The following PRSS22 variants were observed in gnomAD, a reference collection of about 807,000 sequenced individuals.
PRSS22 encodes the protein brain-specific serine protease 4.
A neutral mutation model predicts 28.0 loss-of-function variants in PRSS22; 26 were observed. The observed-to-expected ratio is 0.93, with a 90% CI of 0.68 to 1.29. The LOEUF (loss-of-function observed/expected upper bound fraction) is 1.29, where lower values mean the gene tolerates loss of function less well. PRSS22 is among the 50% of genes most tolerant of loss of function. PRSS22 has a pLI of 0.00. For missense variants in PRSS22, 444 were observed against 422.1 expected (o/e 1.05, Z -0.46); for synonymous variants, 217 against 177.9 (o/e 1.22, Z -1.75).
Position 2,853,025 on chromosome 16 carries a change from G to T in PRSS22, c.*68C>A. ...ACGGCGGGGGAAACCGCCCGAGGCC[G>T]CCGCAGATCCAGATCCAGATGTGGA... On this transcript the variant is annotated 3_prime_UTR_variant, in exon 6 of 6. Coordinates refer to ENST00000161006, the MANE Select transcript of PRSS22 (RefSeq NM_022119.4). This position sits in a 1 kb window ranked among gnomAD's most constrained non-coding sequence, Gnocchi z 4.6. 1 of 1,098,150 alleles carries T rather than the reference G, an allele frequency of 9.1e-7. No homozygotes were observed. Among genetic ancestry groups the T allele is most frequent in the Non-Finnish European group, 1.3e-6 (1 of 795,302 alleles). The allele number at this position is 1,098,150 out of a possible 1,614,324, so 68.0% of individuals were successfully genotyped here. A position where few individuals can be genotyped will look rare whatever the true frequency, so the allele number is the denominator to read the frequency against.
chr16:2,857,211 G>A (rs2069467634), intron 1 of PRSS22: 5 of 290,400 alleles, frequency 1.7e-5, no homozygotes, highest in Non-Finnish European at 3.5e-5. Context: ...AGTGAGGAGG[G>A]CTCCCCAGCG....
At chr16:2,855,551 C>G (rs199667983) in intron 4 of PRSS22, 23 bp downstream of exon 4, 43 of 1,613,128 alleles carry the variant, frequency 2.7e-5, no homozygotes, top group Non-Finnish European at 3.4e-5. Context: ...CCCCCAACCA[C>G]CTTGGAGAGG....
chr16:2,855,098 G>A lies in PRSS22; in HGVS notation c.559+476C>T, dbSNP rs569905064. Among the ~76,000 whole-genome samples the A allele has an allele frequency of 5.9e-5, 9 of 152,068 alleles. No individual in the cohort carries two copies. The South Asian group carries it at 1.2e-3, about 21-fold the overall frequency. ...CACAGTGGCTCACACCTGTAATCCC[G>A]GCACTTTGGGAGGCTGAGGCTGGTG... On this transcript the variant is annotated intron_variant, in intron 4 of 5. Transcript: ENST00000161006.
At chr16:2,856,370 C>A in intron 2 of PRSS22, 117 bp from the exon 3 acceptor site, 1 of 1,030,968 alleles carries the variant, frequency 9.7e-7, no homozygotes, top group Non-Finnish European at 1.4e-6. Flanking sequence ...TTCATGTCCC[C>A]AAGCTCTACC....
chr16:2,855,594 C>G lies in PRSS22; in HGVS notation c.539G>C (p.Trp180Ser). ...PPNTHCWISG[W>S]GSIQDGVPLP... is the part of the protein sequence containing the mutation. ...CGCACCTCCATCTTGGATGCTCCCC[C>G]AGCCTGAGATCCAGCAGTGGGTGTT... Residue 180 changes from tryptophan to serine, a missense_variant, in exon 4 of 6, where the codon TGG becomes TCG. Trp to Ser is a radical substitution (Grantham distance 177). Coordinates refer to ENST00000161006, the MANE Select transcript of PRSS22 (RefSeq NM_022119.4). The G allele has an allele frequency of 1.2e-6, 2 of 1,614,108 alleles. No individual in the cohort carries two copies. The highest frequency in any genetic ancestry group is 1.7e-6 in the Non-Finnish European group (2 of 1,180,028).
chr16:2,856,473 C>T (rs547934453), intron 2 of PRSS22, among the ~76,000 whole-genome samples: 1 of 152,152 alleles, frequency 6.6e-6, no homozygotes, highest in East Asian at 1.9e-4. Context: ...GCTCCGCCCA[C>T]CTCCCCGTCC....
In PRSS22 at chr16:2,853,646, C is replaced by T. The variant is rs115952166; in HGVS notation, c.717+219G>A. On this transcript the variant is annotated intron_variant, in intron 5 of 5. Transcript: ENST00000161006. This position sits in a 1 kb window ranked among gnomAD's most constrained non-coding sequence, Gnocchi z 4.6. ...GAAGGAAATGAAAGCTCGCGGAGGG[C>T]GAGGTGGTGCAGCTGGGATGCCCAG... 4.0e-3 allele frequency among the ~76,000 whole-genome samples: 616 copies of T among 152,310 alleles called. 6 individuals are homozygous for T. Among genetic ancestry groups the T allele is most frequent in the African/African-American group, 0.015 (604 of 41,568 alleles).
rs761810406 is a variant in PRSS22, at chr16:2,854,051, TG to T, written c.560-30del. The T allele has an allele frequency of 1.6e-5, 26 of 1,613,542 alleles. No individual in the cohort carries two copies. In the African/African-American group the frequency reaches 2.5e-4, roughly 16 times the overall value. On this transcript the variant is annotated intron_variant, in intron 4 of 5. Coordinates refer to ENST00000161006, the MANE Select transcript of PRSS22 (RefSeq NM_022119.4). ...GGAGGAAAGAGGACAGAATCAGGTTTGGGGGTCTCCCCTCCTCGTTGCCTCC... is the reference window on the plus strand; with the variant it reads ...GGAGGAAAGAGGACAGAATCAGGTTTGGGGTCTCCCCTCCTCGTTGCCTCC...
At chr16:2,854,622 T>C (rs1413517181) in intron 4 of PRSS22, 1 of 152,668 alleles carries the variant, frequency 6.6e-6, no homozygotes, top group African/African-American at 2.4e-5. Flanking sequence ...TCTCTAGCTC[T>C]CTCTTTCAAA....
intron 4 of PRSS22, 71 bp from the exon 5 acceptor site, chr16:2,854,093 C>T: frequency 6.5e-7 from 1 of 1,536,316 alleles, no homozygotes; most frequent in Non-Finnish European, 9.0e-7. Context: ...GGACTATTCC[C>T]CCCCAACACC....
rs1051153762 is a variant in PRSS22, at chr16:2,855,286, T to A, written c.559+288A>T. Among the ~76,000 whole-genome samples, 21 of 138,084 alleles carry A rather than the reference T, an allele frequency of 1.5e-4. No homozygotes were observed. In the Admixed American group the frequency reaches 1.6e-3, roughly 11 times the overall value. The allele number at this position is 138,084 out of a possible 152,430, so 90.6% of individuals were successfully genotyped here. A position where few individuals can be genotyped will look rare whatever the true frequency, so the allele number is the denominator to read the frequency against. ...TCACTTGAGCCTGGGAGGCAAAGGC[T>A]GCAGTGAGTTAGGATCACACCACTG... On this transcript the variant is annotated intron_variant, in intron 4 of 5. Transcript: ENST00000161006.
chr16:2,853,165 G>A lies in PRSS22; in HGVS notation c.882C>T (p.Leu294=). 6.3e-7 allele frequency: 1 copy of A among 1,599,098 alleles called. No homozygotes were observed. Among genetic ancestry groups the A allele is most frequent in the Admixed American group, 1.7e-5 (1 of 59,986 alleles). Residue 294 remains leucine, a synonymous_variant, in exon 6 of 6, where the codon CTC becomes CTT. Transcript: ENST00000161006. The surrounding 1 kb of genome is among the most constrained non-coding windows in gnomAD (Gnocchi z 4.6). The part of the protein sequence containing the change: ...WVEKIVQGVQ[L]RGRAQGGGAL... The stretch of plus-strand genomic sequence containing the variant: ...CCCCACCCCCCTGAGCGCGCCCGCG[G>A]AGCTGCACCCCTTGCACGATCTTCT...
chr16:2,854,103 C>T, intron 4 of PRSS22, 81 bp from the exon 5 acceptor site: 1 of 1,498,436 alleles, frequency 6.7e-7, no homozygotes, highest in Non-Finnish European at 9.2e-7. Context: ...CCCCCAACAC[C>T]ATTCCTCTCA....
In PRSS22 at chr16:2,856,185, C is replaced by T. The variant is rs2069454376; in HGVS notation, c.178G>A (p.Glu60Lys). 6.2e-7 allele frequency: 1 copy of T among 1,613,920 alleles called. No homozygotes were observed. The highest frequency in any genetic ancestry group is 8.5e-7 in the Non-Finnish European group (1 of 1,179,968). ...TGGATGCTCACGATCCAGGGCCACT[C>T]GCTGTCAGTGCTGTCCTCGCCGCCC... The part of the protein sequence containing the change: ...VVGGEDSTDS[E>K]WPWIVSIQKN... Residue 60 changes from glutamate (E) to lysine (K), a missense_variant, in exon 3 of 6, where the codon GAG (glutamate) becomes AAG (lysine). Transcript: ENST00000161006.
rs1596326093 is a variant in PRSS22, at chr16:2,855,752, C to A, written c.381G>T (p.Glu127Asp). 1.2e-6 allele frequency: 2 copies of A among 1,614,172 alleles called. No homozygotes were observed. The highest frequency in any genetic ancestry group is 1.7e-6 in the Non-Finnish European group (2 of 1,180,036). Residue 127 changes from glutamate to aspartate, a missense_variant, in exon 4 of 6, where the codon GAG (glutamate) becomes GAT (aspartate). Transcript: ENST00000161006. ...CCTTCCAGGAATACACAGGGTGGGG[C>A]TCCACCCAGGCAACACCCACCTTCT... is the stretch of plus-strand genomic sequence containing the variant. ...RSQKVGVAWV[E>D]PHPVYSWKEG...
In PRSS22 at chr16:2,858,121, G is replaced by A. The variant is rs752047107; in HGVS notation, c.-17C>T. On this transcript the variant is annotated 5_prime_UTR_variant, in exon 1 of 6. Coordinates refer to ENST00000161006, the MANE Select transcript of PRSS22 (RefSeq NM_022119.4). ...AACCACCATGGCTGGTGGGGCGGGG[G>A]AGCAGGCAGCAGGCTCGAGAGACCC... 10 of 1,258,134 alleles carry A rather than the reference G, an allele frequency of 7.9e-6. No individual in the cohort carries two copies. The highest frequency in any genetic ancestry group is 1.0e-5 in the Non-Finnish European group (10 of 994,390). The allele number at this position is 1,258,134 out of a possible 1,614,324, so 77.9% of individuals were successfully genotyped here. A position where few individuals can be genotyped will look rare whatever the true frequency, so the allele number is the denominator to read the frequency against.
chr16:2,852,971 C>T lies in PRSS22; in HGVS notation c.*122G>A, dbSNP rs2069418001. On this transcript the variant is annotated 3_prime_UTR_variant, in exon 6 of 6. Transcript: ENST00000161006. ...CCTTTCCGCAGCAGCCGTCCGGGCC[C>T]CCAGAGGTAGAGGTAGATGAGCCTA... The T allele has an allele frequency of 1.7e-6, 1 of 577,122 alleles. No individual in the cohort carries two copies. The highest frequency in any genetic ancestry group is 4.1e-5 in the African/African-American group (1 of 24,598). The allele number at this position is 577,122 out of a possible 1,614,324, so 35.8% of individuals were successfully genotyped here. A position where few individuals can be genotyped will look rare whatever the true frequency, so the allele number is the denominator to read the frequency against.
rs376294208 is a variant in PRSS22 at position 2,855,538 on chromosome 16, C to G, written c.559+36G>C. On this transcript the variant is annotated intron_variant, in intron 4 of 5. Transcript: ENST00000161006. ...AGTGTCTGCCATCCTCTGTCCCCAT[C>G]TGCCCCCAACCACCTTGGAGAGGAA... 2.0e-5 allele frequency: 32 copies of G among 1,610,838 alleles called. No individual in the cohort carries two copies. The African/African-American group carries it at 3.9e-4, about 20-fold the overall frequency.
At position 2,852,770 on chromosome 16, in the gene PRSS22, G is replaced by C. The variant is rs568412514; in HGVS notation, c.*323C>G. On this transcript the variant is annotated 3_prime_UTR_variant, in exon 6 of 6. Transcript: ENST00000161006. Reference sequence around the variant, plus strand: ...TTATTGAAATTGGAGGAATAAATAAGATATGTGGGCAGGGTTACAAATACC... The same window carrying C: ...TTATTGAAATTGGAGGAATAAATAACATATGTGGGCAGGGTTACAAATACC... The C allele has an allele frequency of 2.9e-6, 1 of 341,994 alleles. No homozygotes were observed. Among genetic ancestry groups the C allele is most frequent in the Non-Finnish European group, 5.3e-6 (1 of 189,490 alleles). 21.2% of individuals were successfully genotyped at this position (341,994 alleles called of 1,614,324 possible). A position where few individuals can be genotyped will look rare whatever the true frequency, so the allele number is the denominator to read the frequency against.
Sources: gnomAD v4.1 joint callset for allele counts (sites outside exome capture counted in the v4.1 genomes callset) on GRCh38, gnomAD v4.1.1 for gene constraint, Gnocchi (gnomAD v3.1) non-coding constraint, MANE v1.5 for transcripts, NCBI Gene and HGNC (gene_info 2026-07-23, HGNC 2026-07-21) for gene names.